Variants in BLTP3B observed in about 807,000 individuals in gnomAD.
The protein encoded by BLTP3B is UHRF1 (ICBP90) binding protein 1-like.
chr12:100,118,358 C>T, the BLTP3B span, among the ~76,000 whole-genome samples: 115 of 152,192 alleles, frequency 7.6e-4, no homozygotes, highest in Admixed American at 1.3e-4. Flanking sequence ...CACTACTGCA[C>T]TCCAGTCTGG....
the BLTP3B span, among the ~76,000 whole-genome samples, chr12:100,132,081 C>A: frequency 6.6e-6 from 1 of 152,140 alleles, no homozygotes; most frequent in Non-Finnish European, 1.5e-5. Context: ...CGTGAACCAC[C>A]GTGCCCAGCC....
At chr12:100,118,990 T>A in the BLTP3B span, among the ~76,000 whole-genome samples, 1 of 152,010 alleles carries the variant, frequency 6.6e-6, no homozygotes, top group South Asian at 2.1e-4. Context: ...TAGTCCCAGC[T>A]ACTCGGGAGG....
At chr12:100,103,019 C>CA in the BLTP3B span, among the ~76,000 whole-genome samples, 1 of 150,036 alleles carries the variant, frequency 6.7e-6, no homozygotes, top group Non-Finnish European at 1.5e-5. Flanking sequence ...AGACAAATGC[C>CA]AAAAAAGAAC....
the BLTP3B span, among the ~76,000 whole-genome samples, chr12:100,119,169 T>A: frequency 6.6e-6 from 1 of 152,050 alleles, no homozygotes; most frequent in Non-Finnish European, 1.5e-5. Context: ...AATCAGAAAC[T>A]GAATATTTTA....
chr12:100,039,256 TA>T, the BLTP3B span, among the ~76,000 whole-genome samples: 1 of 151,600 alleles, frequency 6.6e-6, no homozygotes, highest in African/African-American at 2.4e-5. Context: ...ACTAAGCCAT[TA>T]AAAAAAATTA....
the BLTP3B span, among the ~76,000 whole-genome samples, chr12:100,129,321 T>C: frequency 6.6e-6 from 1 of 152,226 alleles, no homozygotes; most frequent in East Asian, 1.9e-4. Flanking sequence ...TTTCCGGATA[T>C]GATTCAACTA....
chr12:100,135,326 T>C, the BLTP3B span, among the ~76,000 whole-genome samples: 2 of 149,042 alleles, frequency 1.3e-5, no homozygotes, highest in South Asian at 2.1e-4. Flanking sequence ...TGGAGTGTAG[T>C]GGTGCTATCA....
At chr12:100,039,691 T>C in the BLTP3B span, 5 of 1,614,114 alleles carry the variant, frequency 3.1e-6, no homozygotes, top group South Asian at 1.1e-5. Context: ...TGCGTGACAC[T>C]GCGTTGTTTC....
At chr12:100,138,990 T>C in the BLTP3B span, among the ~76,000 whole-genome samples, 3 of 152,196 alleles carry the variant, frequency 2.0e-5, no homozygotes, top group African/African-American at 7.2e-5. Context: ...ACTACTCTCC[T>C]AGAAAACCCT....
the BLTP3B span, among the ~76,000 whole-genome samples, chr12:100,039,275 A>T: frequency 6.6e-6 from 1 of 152,194 alleles, no homozygotes; most frequent in Non-Finnish European, 1.5e-5. Flanking sequence ...TTAAGCAAAT[A>T]CAGCAATATG....
chr12:100,049,386 G>A, the BLTP3B span, among the ~76,000 whole-genome samples: 2 of 152,062 alleles, frequency 1.3e-5, no homozygotes, highest in Non-Finnish European at 2.9e-5. Context: ...TAATGAGAAG[G>A]TATTTTATTT....
the BLTP3B span, among the ~76,000 whole-genome samples, chr12:100,123,710 T>C: frequency 6.6e-6 from 1 of 151,976 alleles, no homozygotes; most frequent in Admixed American, 6.6e-5. Context: ...AAAATATTAA[T>C]GGAACAAGAA....
the BLTP3B span, among the ~76,000 whole-genome samples, chr12:100,044,172 C>T: frequency 6.6e-6 from 1 of 152,018 alleles, no homozygotes; most frequent in Admixed American, 6.6e-5. Flanking sequence ...AGAGTCTTCT[C>T]ACAGACCTAA....
chr12:100,039,671 C>T, the BLTP3B span: 3 of 1,614,104 alleles, frequency 1.9e-6, no homozygotes, highest in Non-Finnish European at 2.5e-6. Context: ...CTGGGCTTGT[C>T]TGAGTGGCTT....
At chr12:100,115,016 C>T in the BLTP3B span, among the ~76,000 whole-genome samples, 418 of 152,166 alleles carry the variant, frequency 2.7e-3, 1 homozygote, top group African/African-American at 9.7e-3. Context: ...GCAAGAAATA[C>T]ACTATACATA....
the BLTP3B span, among the ~76,000 whole-genome samples, chr12:100,086,551 C>T: frequency 6.6e-6 from 1 of 152,118 alleles, no homozygotes; most frequent in Non-Finnish European, 1.5e-5. Flanking sequence ...ATTTGTAAGG[C>T]ACCAGGATAA....
At chr12:100,089,029 T>C in the BLTP3B span, 1 of 1,611,676 alleles carries the variant, frequency 6.2e-7, no homozygotes, top group Non-Finnish European at 8.5e-7. Flanking sequence ...ATTGCATCAT[T>C]TACATCAGGA....
the BLTP3B span, among the ~76,000 whole-genome samples, chr12:100,100,256 G>C: frequency 6.6e-6 from 1 of 152,042 alleles, no homozygotes; most frequent in Non-Finnish European, 1.5e-5. Context: ...AGTGAGCTGA[G>C]ATGGCACCAC....
At chr12:100,089,228 TTCCC>T in the BLTP3B span, 2 of 753,808 alleles carry the variant, frequency 2.7e-6, no homozygotes, top group Non-Finnish European at 3.8e-6. Context: ...ATAATATATT[TTCCC>T]TAAAATATTT....
Sources: allele counts gnomAD v4.1 joint callset (sites outside exome capture counted in the v4.1 genomes callset), GRCh38; gene constraint gnomAD v4.1.1; transcripts MANE v1.5; gene names NCBI Gene and HGNC (gene_info 2026-07-23, HGNC 2026-07-21).